Variants in OPA3 observed in about 807,000 individuals in gnomAD.
OPA3 encodes the protein outer mitochondrial membrane lipid metabolism regulator OPA3, also known as optic atrophy 3 protein.
OPA3 carries 6 observed loss-of-function variants against 4.0 expected under a neutral mutation model. That is an observed-to-expected ratio of 1.51 (90% CI 0.83 to 2.99). The LOEUF (loss-of-function observed/expected upper bound fraction) is 2.99. OPA3 is among the 30% of genes most tolerant of loss of function. The probability of loss-of-function intolerance (pLI) is 0.00; values close to 1 mark genes in which losing one functional copy is unlikely to be tolerated. For synonymous variants in OPA3, 105 were observed against 117.1 expected (o/e 0.90, Z 0.67); for missense variants, 235 against 256.2 (o/e 0.92, Z 0.56).
intron 1 of OPA3, chr19:45,584,421 C>T (rs1969901288): frequency 1.0e-6 from 1 of 985,238 alleles, no homozygotes; most frequent in Admixed American, 6.2e-5. Context: ...GTGGTGGCTC[C>T]TTGACCCGCC....
chr19:45,549,142 C>T lies in OPA3; in HGVS notation c.*4372G>A, dbSNP rs573344031. ...TAAATATGAAAAAAGAATGCATCAA[C>T]TTGAAGATAATCAGCTTCATTTACA... is the stretch of plus-strand genomic sequence containing the variant. On this transcript the variant is annotated 3_prime_UTR_variant, in exon 2 of 2. Transcript: ENST00000263275. 162 of 985,330 alleles carry T rather than the reference C, an allele frequency of 1.6e-4. 1 individual carries two copies. Among genetic ancestry groups the T allele is most frequent in the Admixed American group, 3.1e-4 (5 of 16,246 alleles). The allele number at this position is 985,330 out of a possible 1,614,324, so 61.0% of individuals were successfully genotyped here.
At chr19:45,535,783 GA>G (rs1384522262) in intron 1 of OPA3, among the ~76,000 whole-genome samples, 2 of 97,652 alleles carry the variant, frequency 2.0e-5, no homozygotes, top group African/African-American at 4.3e-5. Flanking sequence ...TTTTTTTTAA[GA>G]GTTGAGGTCT....
At chr19:45,554,037 T>C (rs1304264026) in intron 1 of OPA3, 126 bp from the exon 2 acceptor site, 18 of 727,266 alleles carry the variant, frequency 2.5e-5, no homozygotes, top group Middle Eastern at 3.1e-4. Flanking sequence ...CAGATGATTC[T>C]AGCGAGCAGC....
At position 45,528,916 on chromosome 19, in the gene OPA3, C is replaced by T. The variant is rs540153905; in HGVS notation, c.*140G>A. ...TAGGGAGGTTCGATCAGCTCCAGCC[C>T]AGGATCTCTCCGGCGCCCCCGAAGG... On this transcript the variant is annotated 3_prime_UTR_variant, in exon 2 of 2. Coordinates refer to the OPA3 transcript ENST00000323060. The T allele has an allele frequency of 1.3e-4, 139 of 1,037,616 alleles. No individual in the cohort carries two copies. The South Asian group carries it at 1.7e-3, about 13-fold the overall frequency. The allele number at this position is 1,037,616 out of a possible 1,614,324, so 64.3% of individuals were successfully genotyped here.
chr19:45,532,910 A>T (rs1202293647), intron 1 of OPA3, among the ~76,000 whole-genome samples: 1 of 151,774 alleles, frequency 6.6e-6, no homozygotes, highest in African/African-American at 2.4e-5. Context: ...ATTTTTTTTG[A>T]GATGGAGTTT....
intron 1 of OPA3, among the ~76,000 whole-genome samples, chr19:45,566,022 T>G (rs1286544006): frequency 6.6e-6 from 1 of 152,188 alleles, no homozygotes; most frequent in Non-Finnish European, 1.5e-5. Context: ...ATGTCACTGA[T>G]GACCACAGAT....
chr19:45,539,646 G>A (rs921506741), intron 1 of OPA3, among the ~76,000 whole-genome samples: 7 of 151,702 alleles, frequency 4.6e-5, no homozygotes, highest in Non-Finnish European at 1.0e-4. Context: ...GGGCGTGGCG[G>A]TGCATGTCTG....
chr19:45,570,399 C>T (rs567275126), intron 1 of OPA3, among the ~76,000 whole-genome samples: 5 of 152,274 alleles, frequency 3.3e-5, no homozygotes, highest in East Asian at 1.9e-4. Flanking sequence ...AATGTCAAAG[C>T]TGGCTGGGAG....
chr19:45,565,628 T>C (rs936425102), intron 1 of OPA3, among the ~76,000 whole-genome samples: 4 of 152,074 alleles, frequency 2.6e-5, no homozygotes, highest in Non-Finnish European at 4.4e-5. Context: ...AGACTAACTT[T>C]TGTATTTAGT....
Position 45,559,205 on chromosome 19 carries a change from T to C in OPA3, c.143-5294A>G, listed in dbSNP as rs1331023008. 2.0e-5 allele frequency among the ~76,000 whole-genome samples: 3 copies of C among 151,626 alleles called. No homozygotes were observed. The South Asian group carries it at 6.3e-4, about 32-fold the overall frequency. Reference sequence around the variant, plus strand: ...GGCCTAACTCCAACTTCATGAGAGATCTTAACCTATAATTTTCCTTTTCTG... The same window carrying C: ...GGCCTAACTCCAACTTCATGAGAGACCTTAACCTATAATTTTCCTTTTCTG... On this transcript the variant is annotated intron_variant, in intron 1 of 1. Transcript: ENST00000263275.
rs1364454909 is a variant in OPA3, at chr19:45,548,614, G to T, written c.*4900C>A. 1.0e-6 allele frequency: 1 copy of T among 985,130 alleles called. No homozygotes were observed. The highest frequency in any genetic ancestry group is 1.7e-5 in the African/African-American group (1 of 57,200). 61.0% of individuals were successfully genotyped at this position (985,130 alleles called of 1,614,324 possible). A position where few individuals can be genotyped will look rare whatever the true frequency, so the allele number is the denominator to read the frequency against. On this transcript the variant is annotated 3_prime_UTR_variant, in exon 2 of 2. Transcript: ENST00000263275. ...CACCACTGTGACCCCAGCATAGGGT[G>T]GGGCAGAGAGTGGGTAACTCAGTGA...
intron 1 of OPA3, among the ~76,000 whole-genome samples, chr19:45,583,199 G>A (rs1399315830): frequency 6.6e-6 from 1 of 151,856 alleles, no homozygotes; most frequent in Non-Finnish European, 1.5e-5. Flanking sequence ...CACCCAGGCT[G>A]GAGTACAGTG....
rs566803165 is a variant in OPA3, at chr19:45,567,356, A to G, written c.143-13445T>C. 3.9e-4 allele frequency among the ~76,000 whole-genome samples: 59 copies of G among 151,540 alleles called. 1 individual carries two copies. The highest frequency in any genetic ancestry group is 7.7e-4 in the East Asian group (4 of 5,178). On this transcript the variant is annotated intron_variant, in intron 1 of 1. Transcript: ENST00000263275. Reference sequence around the variant, plus strand: ...CCCTGTGTCAAAAAAAAAAAAAAAAAAAGAAGAAGAAGAAATGAACTATTG... The same window carrying G: ...CCCTGTGTCAAAAAAAAAAAAAAAAGAAGAAGAAGAAGAAATGAACTATTG...
chr19:45,529,306 A>G (rs1221883914), exon 2 of OPA3: 2 of 1,614,134 alleles, frequency 1.2e-6, no homozygotes, highest in Non-Finnish European at 1.7e-6. Context: ...ATACTCCAGC[A>G]TCAGGCAGCT....
intron 1 of OPA3, among the ~76,000 whole-genome samples, chr19:45,563,562 T>C (rs1031289169): frequency 2.0e-5 from 3 of 152,150 alleles, no homozygotes; most frequent in Non-Finnish European, 4.4e-5. Flanking sequence ...TCTTGTTTTT[T>C]GTTTTTGTTT....
At chr19:45,558,229 G>A (rs767614846) in intron 1 of OPA3, among the ~76,000 whole-genome samples, 3 of 152,058 alleles carry the variant, frequency 2.0e-5, no homozygotes, top group Admixed American at 6.6e-5. Flanking sequence ...CTACTCGGGA[G>A]GCTGAGACAG....
At chr19:45,558,545 C>T (rs1330369228) in intron 1 of OPA3, among the ~76,000 whole-genome samples, 2 of 152,130 alleles carry the variant, frequency 1.3e-5, no homozygotes, top group African/African-American at 2.4e-5. Flanking sequence ...AAGCATACCT[C>T]ACTCATTTCT....
In OPA3 at chr19:45,548,413, T is replaced by C. The variant is rs1969282140; in HGVS notation, c.*5101A>G. 2 of 985,440 alleles carry C rather than the reference T, an allele frequency of 2.0e-6. No homozygotes were observed. Among genetic ancestry groups the C allele is most frequent in the African/African-American group, 3.5e-5 (2 of 57,246 alleles). The allele number at this position is 985,440 out of a possible 1,614,324, so 61.0% of individuals were successfully genotyped here. On this transcript the variant is annotated 3_prime_UTR_variant, in exon 2 of 2. Transcript: ENST00000263275. Reference sequence around the variant, plus strand: ...AGCCCTCAGGGCACCTCCCAGGGTTTTGTGAGCTGGGATGAATGGGTTTAT... The same window carrying C: ...AGCCCTCAGGGCACCTCCCAGGGTTCTGTGAGCTGGGATGAATGGGTTTAT...
intron 1 of OPA3, among the ~76,000 whole-genome samples, chr19:45,557,006 G>A (rs1969430935): frequency 6.6e-6 from 1 of 152,206 alleles, no homozygotes; most frequent in Non-Finnish European, 1.5e-5. Context: ...CGCCAGACCT[G>A]GTGGTGGCCC....
Sources: allele counts gnomAD v4.1 joint callset (sites outside exome capture counted in the v4.1 genomes callset), GRCh38; gene constraint gnomAD v4.1.1; transcripts MANE v1.5; gene names NCBI Gene and HGNC (gene_info 2026-07-23, HGNC 2026-07-21).